SRGAP2C: variants seen among roughly 807,000 people sequenced by gnomAD.
SRGAP2C encodes SLIT-ROBO Rho GTPase-activating protein 2C.
In SRGAP2C, 15 loss-of-function variants were observed where a neutral mutation model predicts 25.1. That is an observed-to-expected ratio of 0.60 (90% confidence interval 0.40 to 0.92). The LOEUF is 0.92. SRGAP2C is among the 40% of genes least tolerant of loss of function. The pLI is 0.00. For synonymous variants in SRGAP2C, 44 were observed against 96.6 expected (o/e 0.46, Z 3.19); for missense variants, 144 against 264.4 (o/e 0.54, Z 3.16).
chr1:121,253,523 AG>A (rs1423778106), intron 2 of SRGAP2C, among the ~76,000 whole-genome samples: 1 of 117,268 alleles, frequency 8.5e-6, no homozygotes, highest in Non-Finnish European at 1.9e-5. Flanking sequence ...TATCATTAGA[AG>A]GCTCTCTCGT....
At chr1:121,314,591 C>G (rs1553340378) in intron 3 of SRGAP2C, among the ~76,000 whole-genome samples, 3 of 151,364 alleles carry the variant, frequency 2.0e-5, no homozygotes, top group Admixed American at 6.6e-5. Flanking sequence ...TGGTGATGTA[C>G]AGATGGGTTT....
chr1:121,188,021 G>A (rs1654565536), intron 2 of SRGAP2C, among the ~76,000 whole-genome samples: 1 of 152,220 alleles, frequency 6.6e-6, no homozygotes, highest in South Asian at 2.1e-4. Flanking sequence ...CAATGGCATT[G>A]GCACCAAAAG....
At chr1:121,277,302 C>T (rs1490151319) in intron 2 of SRGAP2C, among the ~76,000 whole-genome samples, 1 of 151,876 alleles carries the variant, frequency 6.6e-6, no homozygotes, top group Non-Finnish European at 1.5e-5. Flanking sequence ...GAACAGGGAA[C>T]TTCATACTTC....
chr1:121,314,875 G>T lies in SRGAP2C; in HGVS notation c.261-9603G>T, dbSNP rs1488928059. 0.016 allele frequency: 9,396 copies of T among 576,666 alleles called. 723 individuals are homozygous for T. In the African/African-American group the frequency reaches 0.16, roughly 10 times the overall value. 35.7% of individuals were successfully genotyped at this position (576,666 alleles called of 1,614,324 possible). A position where few individuals can be genotyped will look rare whatever the true frequency, so the allele number is the denominator to read the frequency against. On this transcript the variant is annotated intron_variant, in intron 3 of 9. Transcript: ENST00000367123. The stretch of plus-strand genomic sequence containing the variant: ...ATCACCCGTCTTCTGTGTCGCTCAC[G>T]CTGGGAGCTGTAGACCGGAGCTGTT...
chr1:121,288,682 C>T lies in SRGAP2C; in HGVS notation c.260+3687C>T, dbSNP rs1296694052. On this transcript the variant is annotated intron_variant, in intron 3 of 9. Coordinates refer to ENST00000367123, the MANE Select transcript of SRGAP2C (RefSeq NM_001329984.2). ...AAACCTTGAGCTAGATATAGAGTGC[C>T]GATTGGTGTATTTACAATCTCTGAG... 8.8e-5 allele frequency among the ~76,000 whole-genome samples: 6 copies of T among 67,964 alleles called. 1 individual carries two copies. Among genetic ancestry groups the T allele is most frequent in the South Asian group, 4.3e-4 (1 of 2,318 alleles). The allele number at this position is 67,964 out of a possible 152,430, so 44.6% of individuals were successfully genotyped here. A position where few individuals can be genotyped will look rare whatever the true frequency, so the allele number is the denominator to read the frequency against.
In SRGAP2C at chr1:121,282,640, C is replaced by T. The variant is rs1258295405; in HGVS notation, c.68-2163C>T. On this transcript the variant is annotated intron_variant, in intron 2 of 9. Transcript: ENST00000367123. ...TGCGATCTCTGCTCAGTGCAAACTC[C>T]GCCTCCCGGGTTCACGCCATTCTCC... Among the ~76,000 whole-genome samples the T allele has an allele frequency of 1.4e-4, 22 of 152,026 alleles. No homozygotes were observed. The East Asian group carries it at 2.3e-3, about 16-fold the overall frequency.
In SRGAP2C at chr1:121,392,135, T is replaced by A. The variant is rs74609925; in HGVS notation, c.*4280T>A. 4.1e-5 allele frequency: 6 copies of A among 147,886 alleles called. No individual in the cohort carries two copies. The highest frequency in any genetic ancestry group is 3.0e-5 in the Non-Finnish European group (2 of 66,848). The allele number at this position is 147,886 out of a possible 1,614,324, so 9.2% of individuals were successfully genotyped here. A position where few individuals can be genotyped will look rare whatever the true frequency, so the allele number is the denominator to read the frequency against. On this transcript the variant is annotated 3_prime_UTR_variant, in exon 10 of 10. Coordinates refer to ENST00000367123, the MANE Select transcript of SRGAP2C (RefSeq NM_001329984.2). ...GAAGAGAAGAAAATGGAAAATACTGTCTCTGAGAAACAGAAAGAATAAAAA... is the reference window on the plus strand; with the variant it reads ...GAAGAGAAGAAAATGGAAAATACTGACTCTGAGAAACAGAAAGAATAAAAA...
intron 2 of SRGAP2C, among the ~76,000 whole-genome samples, chr1:121,278,167 G>A (rs1462251697): frequency 1.3e-5 from 2 of 151,816 alleles, no homozygotes; most frequent in Non-Finnish European, 2.9e-5. Context: ...GGCTCGTCTG[G>A]AACTCCTGAG....
At chr1:121,335,386 A>ATAAATAAT (rs1553342380) in intron 4 of SRGAP2C, among the ~76,000 whole-genome samples, 1,629 of 140,648 alleles carry the variant, frequency 0.012, no homozygotes, top group African/African-American at 0.028. Context: ...AAATAAATAA[A>ATAAATAAT]TAAAACAACC....
At chr1:121,277,587 G>C (rs1296363739) in intron 2 of SRGAP2C, among the ~76,000 whole-genome samples, 1 of 126,386 alleles carries the variant, frequency 7.9e-6, no homozygotes, top group Non-Finnish European at 1.7e-5. Context: ...GAATTGACTT[G>C]TGTCACTGAA....
chr1:121,185,000 G>T lies in SRGAP2C; in HGVS notation c.-667G>T. 1 of 506,678 alleles carries T rather than the reference G, an allele frequency of 2.0e-6. No homozygotes were observed. The highest frequency in any genetic ancestry group is 3.7e-5 in the Admixed American group (1 of 27,098). 31.4% of individuals were successfully genotyped at this position (506,678 alleles called of 1,614,324 possible). A position where few individuals can be genotyped will look rare whatever the true frequency, so the allele number is the denominator to read the frequency against. The stretch of plus-strand genomic sequence containing the variant: ...GGGGTCCTGCGGAGTTGGCGGAGGC[G>T]GCGGAGGCTCCTCCAGGGACTGGGG... On this transcript the variant is annotated 5_prime_UTR_variant, in exon 1 of 10. Transcript: ENST00000367123.
chr1:121,309,512 C>T (rs1194103808), intron 3 of SRGAP2C, among the ~76,000 whole-genome samples: 1,517 of 147,650 alleles, frequency 0.01, 7 homozygotes, highest in Middle Eastern at 0.049. Flanking sequence ...CATGCTGGTG[C>T]GCTGCACCCA....
intron 3 of SRGAP2C, chr1:121,314,880 G>T (rs1658060191): frequency 5.1e-6 from 3 of 593,880 alleles, no homozygotes; most frequent in Non-Finnish European, 6.0e-6. Context: ...CTCACGCTGG[G>T]AGCTGTAGAC....
At chr1:121,191,769 TAC>T (rs1193920172) in intron 2 of SRGAP2C, among the ~76,000 whole-genome samples, 2 of 150,790 alleles carry the variant, frequency 1.3e-5, no homozygotes, top group Non-Finnish European at 3.0e-5. Context: ...CTTGAGTTTT[TAC>T]AGTCTCCCAG....
At chr1:121,372,232 A>AT (rs1659511943) in intron 5 of SRGAP2C, among the ~76,000 whole-genome samples, 1 of 152,182 alleles carries the variant, frequency 6.6e-6, no homozygotes. Context: ...GTCTGCCTCT[A>AT]GCTGATCGTA....
intron 8 of SRGAP2C, among the ~76,000 whole-genome samples, chr1:121,385,052 G>A (rs1457933607): frequency 5.3e-5 from 8 of 151,824 alleles, no homozygotes; most frequent in Admixed American, 2.0e-4. Context: ...ATGAGAGGGT[G>A]GGTCATTCTT....
In SRGAP2C at chr1:121,392,257, C is replaced by T. The variant is rs1660115117; in HGVS notation, c.*4402C>T. The T allele has an allele frequency of 6.6e-6, 1 of 152,144 alleles. No homozygotes were observed. Among genetic ancestry groups the T allele is most frequent in the Non-Finnish European group, 1.5e-5 (1 of 67,978 alleles). 9.4% of individuals were successfully genotyped at this position (152,144 alleles called of 1,614,324 possible). A position where few individuals can be genotyped will look rare whatever the true frequency, so the allele number is the denominator to read the frequency against. ...ATAAATTATGTTGTTAAAAAGTTTACCATTCTTTCTTTTCACCTTTCTTCC... is the reference window on the plus strand; with the variant it reads ...ATAAATTATGTTGTTAAAAAGTTTATCATTCTTTCTTTTCACCTTTCTTCC... On this transcript the variant is annotated 3_prime_UTR_variant, in exon 10 of 10. Coordinates refer to ENST00000367123, the MANE Select transcript of SRGAP2C (RefSeq NM_001329984.2).
At chr1:121,222,213 A>G (rs1553325783) in intron 2 of SRGAP2C, among the ~76,000 whole-genome samples, 1 of 152,224 alleles carries the variant, frequency 6.6e-6, no homozygotes, top group African/African-American at 2.4e-5. Flanking sequence ...CACAGGTCCT[A>G]GGAACTGGGA....
chr1:121,217,744 G>T (rs1375006070), intron 2 of SRGAP2C, among the ~76,000 whole-genome samples: 16 of 152,184 alleles, frequency 1.1e-4, no homozygotes, highest in African/African-American at 3.6e-4. Context: ...TGTTGGTTCT[G>T]TTTCAGTGTG....
Sources: gnomAD v4.1 joint callset for allele counts (sites outside exome capture counted in the v4.1 genomes callset) on GRCh38, gnomAD v4.1.1 for gene constraint, MANE v1.5 for transcripts, NCBI Gene and HGNC (gene_info 2026-07-23, HGNC 2026-07-21) for gene names.